The following HSD17B2 variants were observed in gnomAD, a reference collection of about 807,000 sequenced individuals.
HSD17B2 encodes 17-beta-hydroxysteroid dehydrogenase type 2.
Under a neutral mutation model 26.9 loss-of-function variants are expected in HSD17B2, and 32 were observed. The observed-to-expected ratio is 1.19, with a 90% CI of 0.90 to 1.60. The LOEUF is 1.60. Ranked by LOEUF, HSD17B2 falls within the 40% of genes most tolerant of loss-of-function variation. The pLI, the probability that HSD17B2 is intolerant of heterozygous loss-of-function variation, is 0.00. For missense variants in HSD17B2, 613 were observed against 468.6 expected, an observed-to-expected ratio of 1.31 and a Z score of -2.85; for synonymous variants, 246 against 186.7, an observed-to-expected ratio of 1.32 and a Z score of -2.59.
rs8191053 is a variant in HSD17B2 at position 82,035,442 on chromosome 16, G to A, written c.18G>A (p.Ser6=). 5.5e-5 allele frequency: 88 copies of A among 1,611,816 alleles called. No individual in the cohort carries two copies. The highest frequency in any genetic ancestry group is 3.1e-4 in the East Asian group (14 of 44,826). Residue 6 remains serine, a synonymous_variant, in exon 1 of 5, where the codon TCG becomes TCA. Transcript: ENST00000199936. MSTFF[S]DTAWICLAVP... is the part of the protein sequence containing the mutation. ...CACTGAGAATGAGCACTTTCTTCTC[G>A]GACACAGCATGGATCTGCCTGGCTG...
chr16:82,054,354 T>C (rs1208141030), intron 1 of HSD17B2, among the ~76,000 whole-genome samples: 1 of 151,240 alleles, frequency 6.6e-6, no homozygotes, highest in Non-Finnish European at 1.5e-5. Context: ...AAATCTAACT[T>C]TTTTTTTTGG....
At position 82,047,078 on chromosome 16, in the gene HSD17B2, G is replaced by C. The variant is rs8191071; in HGVS notation, c.265+11389G>C. Among the ~76,000 whole-genome samples, 5 of 152,174 alleles carry C rather than the reference G, an allele frequency of 3.3e-5. No homozygotes were observed. In the East Asian group the frequency reaches 5.8e-4, roughly 18 times the overall value. ...AAGCTGACTTTCATTCCTTAAGAAAGAGAACTCCTTACCCCATAGCACCAG... is the reference window on the plus strand; with the variant it reads ...AAGCTGACTTTCATTCCTTAAGAAACAGAACTCCTTACCCCATAGCACCAG... On this transcript the variant is annotated intron_variant, in intron 1 of 4. Coordinates refer to ENST00000199936, the MANE Select transcript of HSD17B2 (RefSeq NM_002153.3).
intron 1 of HSD17B2, among the ~76,000 whole-genome samples, chr16:82,043,062 T>C (rs2143916964): frequency 6.6e-6 from 1 of 152,374 alleles, no homozygotes; most frequent in Admixed American, 6.5e-5. Context: ...CAGTTGCATC[T>C]CTTGACATCA....
chr16:82,046,941 G>C (rs574902637), intron 1 of HSD17B2, among the ~76,000 whole-genome samples: 7 of 152,314 alleles, frequency 4.6e-5, no homozygotes, highest in African/African-American at 1.7e-4. Flanking sequence ...AGTGCAAAAA[G>C]GTAGATGGCA....
intron 1 of HSD17B2, among the ~76,000 whole-genome samples, chr16:82,046,056 G>T (rs181934830): frequency 6.6e-6 from 1 of 152,220 alleles, no homozygotes; most frequent in Admixed American, 6.5e-5. Flanking sequence ...GGTGGGGAGC[G>T]AAGGGTGCTG....
rs115389388 is a variant in HSD17B2 at position 82,088,127 on chromosome 16, A to G, written c.665-2775A>G. On this transcript the variant is annotated intron_variant, in intron 3 of 4. Coordinates refer to ENST00000199936, the MANE Select transcript of HSD17B2 (RefSeq NM_002153.3). ...GTTTAATATTCAAAAGATTACTTGA[A>G]TAAGTATTAAGTGCAGATTCTGATT... Among the ~76,000 whole-genome samples the G allele has an allele frequency of 5.5e-3, 833 of 152,344 alleles. 7 individuals are homozygous for G. Among genetic ancestry groups the G allele is most frequent in the African/African-American group, 0.019 (803 of 41,574 alleles).
At chr16:82,054,105 T>C (rs1452889377) in intron 1 of HSD17B2, among the ~76,000 whole-genome samples, 1 of 152,016 alleles carries the variant, frequency 6.6e-6, no homozygotes, top group African/African-American at 2.4e-5. Context: ...CTGGCTGTGA[T>C]TTCTAGTGAA....
In HSD17B2 at chr16:82,090,954, G is replaced by C; in HGVS notation, c.717G>C (p.Val239=). The C allele has an allele frequency of 6.2e-7, 1 of 1,614,072 alleles. No homozygotes were observed. Among genetic ancestry groups the C allele is most frequent in the Non-Finnish European group, 8.5e-7 (1 of 1,179,948 alleles). Residue 239 remains valine, a synonymous_variant, in exon 4 of 5, where the codon GTG becomes GTC. Coordinates refer to ENST00000199936, the MANE Select transcript of HSD17B2 (RefSeq NM_002153.3). ...CTTATGGCTCATCAAAGGCGGCTGT[G>C]ACCATGTTCTCATCAGTTATGAGAC... ...LASYGSSKAA[V]TMFSSVMRLE...
intron 1 of HSD17B2, among the ~76,000 whole-genome samples, chr16:82,054,821 A>T (rs1271754347): frequency 6.6e-6 from 1 of 152,038 alleles, no homozygotes; most frequent in Non-Finnish European, 1.5e-5. Flanking sequence ...AAATATTTCT[A>T]TTTTTTTTAA....
At chr16:82,062,655 AC>A (rs35553743) in intron 1 of HSD17B2, among the ~76,000 whole-genome samples, 1 of 152,002 alleles carries the variant, frequency 6.6e-6, no homozygotes, top group Non-Finnish European at 1.5e-5. Context: ...AACATTACTT[AC>A]CCCCCAGGGT....
chr16:82,090,119 T>C, intron 3 of HSD17B2: 1 of 484,480 alleles, frequency 2.1e-6, no homozygotes, highest in Non-Finnish European at 2.7e-6. Context: ...GGATGTATGT[T>C]ATTCCTCGTT....
intron 1 of HSD17B2, among the ~76,000 whole-genome samples, chr16:82,036,472 T>A (rs964327292): frequency 2.0e-5 from 3 of 151,918 alleles, no homozygotes; most frequent in African/African-American, 7.3e-5. Flanking sequence ...TATCCAGCGT[T>A]ATCCTAACCC....
intron 1 of HSD17B2, among the ~76,000 whole-genome samples, chr16:82,052,782 T>C (rs1428695388): frequency 1.3e-5 from 2 of 152,366 alleles, no homozygotes; most frequent in Middle Eastern, 3.4e-3. Flanking sequence ...GTTCACTTTA[T>C]TGGTCTCCTG....
intron 1 of HSD17B2, among the ~76,000 whole-genome samples, chr16:82,063,578 G>A (rs565416092): frequency 1.3e-5 from 2 of 152,320 alleles, no homozygotes; most frequent in Admixed American, 6.5e-5. Flanking sequence ...AGTTAGGAGA[G>A]ACTTTATTCA....
chr16:82,068,391 G>A lies in HSD17B2; in HGVS notation c.478+9G>A, dbSNP rs913944822. On this transcript the variant is annotated intron_variant, in intron 2 of 4. Transcript: ENST00000199936. ...AATGCTGCAGGACAGAGGTACTGCC[G>A]CCAGCACCCTCAGTGCCTTTACCCT... The A allele has an allele frequency of 7.5e-6, 12 of 1,603,796 alleles. No homozygotes were observed. The highest frequency in any genetic ancestry group is 2.7e-5 in the African/African-American group (2 of 74,794).
intron 1 of HSD17B2, among the ~76,000 whole-genome samples, chr16:82,050,874 C>T (rs570300020): frequency 9.9e-5 from 15 of 152,062 alleles, no homozygotes; most frequent in Admixed American, 6.6e-5. Context: ...ATTTCTTTGT[C>T]GTTGGAACTT....
At chr16:82,071,932 T>C (rs1381378757) in intron 3 of HSD17B2, 1 of 152,210 alleles carries the variant, frequency 6.6e-6, no homozygotes, top group Non-Finnish European at 1.5e-5. Context: ...CACTGTTGGA[T>C]CAATTAATTC....
intron 1 of HSD17B2, among the ~76,000 whole-genome samples, chr16:82,061,922 C>A (rs1206116468): frequency 6.6e-6 from 1 of 152,192 alleles, no homozygotes; most frequent in Non-Finnish European, 1.5e-5. Flanking sequence ...ACATGCATCC[C>A]AGCACTCAGT....
At chr16:82,068,097 T>C in intron 1 of HSD17B2, 73 bp from the exon 2 acceptor site, 4 of 1,270,520 alleles carry the variant, frequency 3.1e-6, no homozygotes, top group Non-Finnish European at 1.1e-6. Flanking sequence ...CAACGTAATA[T>C]GTTTTCCTTG....
Sources: allele counts gnomAD v4.1 joint callset (sites outside exome capture counted in the v4.1 genomes callset), GRCh38; gene constraint gnomAD v4.1.1; transcripts MANE v1.5; gene names NCBI Gene and HGNC (gene_info 2026-07-23, HGNC 2026-07-21).